S100Z: variants seen among roughly 807,000 people sequenced by gnomAD.
S100Z encodes protein S100-Z.
S100Z carries 11 observed loss-of-function variants against 8.5 expected under a neutral mutation model. The ratio of observed to expected loss-of-function variants is 1.30; its 90% CI spans 0.82 to 2.15. The LOEUF (loss-of-function observed/expected upper bound fraction) is 2.15. S100Z is among the 30% of genes most tolerant of loss of function. The probability of loss-of-function intolerance (pLI) is 0.00; values close to 1 mark genes in which losing one functional copy is unlikely to be tolerated. For missense variants in S100Z, 126 were observed against 117.9 expected, an observed-to-expected ratio of 1.07 and a Z score of -0.32; for synonymous variants, 34 against 43.8, an observed-to-expected ratio of 0.78 and a Z score of 0.89.
intron 4 of S100Z, 135 bp downstream of exon 4, chr5:76,877,969 T>C: frequency 2.0e-6 from 1 of 488,318 alleles, no homozygotes; most frequent in Non-Finnish European, 3.6e-6. Flanking sequence ...TAATAATTAA[T>C]TGCTACTATT....
chr5:76,855,381 T>C (rs1188061655), intron 1 of S100Z, among the ~76,000 whole-genome samples: 1 of 152,188 alleles, frequency 6.6e-6, no homozygotes, highest in Non-Finnish European at 1.5e-5. Context: ...TGAAAACAGA[T>C]GCTGTACCCT....
At chr5:76,861,470 C>G (rs534895362) in intron 1 of S100Z, among the ~76,000 whole-genome samples, 1 of 152,150 alleles carries the variant, frequency 6.6e-6, no homozygotes, top group Admixed American at 6.5e-5. Context: ...TCCCAAGTAG[C>G]TGGGATTACA....
At chr5:76,936,305 CAAT>C in the S100Z span, among the ~76,000 whole-genome samples, 10 of 151,516 alleles carry the variant, frequency 6.6e-5, no homozygotes, top group South Asian at 2.1e-4. Flanking sequence ...TGAAAAATAA[CAAT>C]AAAAACGAGA....
chr5:76,921,846 G>A (rs1383727701), downstream of S100Z, among the ~76,000 whole-genome samples: 5 of 152,070 alleles, frequency 3.3e-5, no homozygotes, highest in Admixed American at 3.3e-4. Context: ...AAAATTAGCT[G>A]GGCATGGCGG....
intron 4 of S100Z, among the ~76,000 whole-genome samples, chr5:76,887,567 T>G (rs1286456136): frequency 6.6e-6 from 1 of 151,750 alleles, no homozygotes; most frequent in African/African-American, 2.4e-5. Flanking sequence ...CTGGCTAACT[T>G]TTGTCTTTTT....
At chr5:76,906,009 T>G (rs1392692248) in intron 4 of S100Z, among the ~76,000 whole-genome samples, 1 of 152,094 alleles carries the variant, frequency 6.6e-6, no homozygotes, top group Non-Finnish European at 1.5e-5. Flanking sequence ...TTTGTCTTTT[T>G]AATAGAGACA....
At chr5:76,943,095 G>C in the S100Z span, among the ~76,000 whole-genome samples, 2 of 152,038 alleles carry the variant, frequency 1.3e-5, no homozygotes, top group Non-Finnish European at 2.9e-5. Flanking sequence ...GTGCCACAGT[G>C]GGGGGGTTCT....
At chr5:76,874,340 C>T (rs184063772) in intron 2 of S100Z, among the ~76,000 whole-genome samples, 62 of 152,190 alleles carry the variant, frequency 4.1e-4, no homozygotes, top group African/African-American at 1.4e-3. Context: ...AGAGTTCTTC[C>T]CCATCATCAG....
downstream of S100Z, among the ~76,000 whole-genome samples, chr5:76,923,932 C>G (rs1229680596): frequency 6.6e-6 from 1 of 152,176 alleles, no homozygotes; most frequent in Non-Finnish European, 1.5e-5. Context: ...TCCCCACCCC[C>G]CAATTCTCTG....
At chr5:76,930,982 T>A in the S100Z span, among the ~76,000 whole-genome samples, 19 of 152,160 alleles carry the variant, frequency 1.2e-4, 1 homozygote, top group Admixed American at 6.5e-5. Flanking sequence ...GTCGGCAAAG[T>A]TAACAGCTTT....
intron 3 of S100Z, among the ~76,000 whole-genome samples, chr5:76,875,772 A>G (rs1387240119): frequency 4.6e-5 from 7 of 152,150 alleles, no homozygotes. Flanking sequence ...GGTGCGGCAA[A>G]GATGTAGCTA....
chr5:76,885,031 G>A (rs6884425), intron 4 of S100Z, among the ~76,000 whole-genome samples: 85,594 of 152,006 alleles, frequency 0.56, 25,852 homozygotes, highest in Non-Finnish European at 0.67. Context: ...GACAAAAATT[G>A]TCTAGATCTC....
At chr5:76,922,246 A>G (rs930351153), downstream of S100Z, among the ~76,000 whole-genome samples, 3 of 152,056 alleles carry the variant, frequency 2.0e-5, no homozygotes, top group Non-Finnish European at 2.9e-5. Context: ...AAGAAATGCA[A>G]TTTTTCTTAG....
intron 2 of S100Z, among the ~76,000 whole-genome samples, chr5:76,872,166 G>A (rs1418977849): frequency 1.3e-5 from 2 of 152,202 alleles, no homozygotes; most frequent in African/African-American, 2.4e-5. Context: ...AGGATTGCTT[G>A]AGCCTGGGAG....
intron 4 of S100Z, among the ~76,000 whole-genome samples, chr5:76,907,029 T>C (rs1020265675): frequency 1.4e-5 from 2 of 139,232 alleles, no homozygotes; most frequent in Non-Finnish European, 3.0e-5. Context: ...TATATACATA[T>C]ATATATACCA....
chr5:76,888,281 G>T (rs1323127082), intron 4 of S100Z, among the ~76,000 whole-genome samples: 1 of 125,538 alleles, frequency 8.0e-6, no homozygotes, highest in East Asian at 2.6e-4. Flanking sequence ...AAAAAGGAAA[G>T]AAAGAAATTA....
chr5:76,926,679 C>T, the S100Z span, among the ~76,000 whole-genome samples: 1 of 152,132 alleles, frequency 6.6e-6, no homozygotes, highest in South Asian at 2.1e-4. Context: ...GGTTTTAGAA[C>T]AACAGAAAGA....
intron 1 of S100Z, among the ~76,000 whole-genome samples, chr5:76,863,436 C>T (rs1338162292): frequency 1.3e-5 from 2 of 152,238 alleles, no homozygotes; most frequent in African/African-American, 4.8e-5. Context: ...ATTTATATCA[C>T]ATAACTTACG....
the S100Z span, among the ~76,000 whole-genome samples, chr5:76,942,684 T>C: frequency 0.65 from 98,688 of 152,000 alleles, 32,270 homozygotes; most frequent in South Asian, 0.76. Context: ...TATGCCCCCA[T>C]AAGTTGAGCT....
Sources: allele counts gnomAD v4.1 joint callset (sites outside exome capture counted in the v4.1 genomes callset), GRCh38; gene constraint gnomAD v4.1.1; transcripts MANE v1.5; gene names NCBI Gene and HGNC (gene_info 2026-07-23, HGNC 2026-07-21).